The following ARL8A variants were observed in gnomAD, a reference collection of about 807,000 sequenced individuals.
ARL8A encodes ARF like GTPase 8A, also known as ADP-ribosylation factor-like protein 8A.
Under a neutral mutation model 31.2 loss-of-function variants are expected in ARL8A, and 10 were observed. That is an observed-to-expected ratio of 0.32 (90% confidence interval 0.20 to 0.54). The LOEUF (loss-of-function observed/expected upper bound fraction) is 0.54. Ranked by LOEUF, ARL8A falls within the 20% of genes least tolerant of loss-of-function variation. The pLI, the probability that ARL8A is intolerant of heterozygous loss-of-function variation, is 0.93. For synonymous variants in ARL8A, 70 were observed against 86.9 expected, an observed-to-expected ratio of 0.81 and a Z score of 1.08; for missense variants, 129 against 242.8, an observed-to-expected ratio of 0.53 and a Z score of 3.12.
In ARL8A at chr1:202,134,362, T is replaced by G. The variant is rs1210619276; in HGVS notation, c.*105A>C. Reference sequence around the variant, plus strand: ...GGTCCCCAGAGGGCCCTCCTCACACTGGGTGAGGAGGGGTGGGCTTAGGGG... The same window carrying G: ...GGTCCCCAGAGGGCCCTCCTCACACGGGGTGAGGAGGGGTGGGCTTAGGGG... On this transcript the variant is annotated 3_prime_UTR_variant, in exon 7 of 7. Coordinates refer to ENST00000272217, the MANE Select transcript of ARL8A (RefSeq NM_138795.4). The surrounding 1 kb of genome is among the most constrained non-coding windows in gnomAD (Gnocchi z 4.2). The G allele has an allele frequency of 7.4e-6, 8 of 1,086,608 alleles. No individual in the cohort carries two copies. Among genetic ancestry groups the G allele is most frequent in the Admixed American group, 1.9e-5 (1 of 52,714 alleles). The allele number at this position is 1,086,608 out of a possible 1,614,324, so 67.3% of individuals were successfully genotyped here.
chr1:202,139,944 G>A (rs1421405599), intron 1 of ARL8A, among the ~76,000 whole-genome samples: 2 of 151,562 alleles, frequency 1.3e-5, no homozygotes, highest in East Asian at 2.0e-4. Flanking sequence ...CACGGTGCCC[G>A]GCCAAGCCCT....
chr1:202,134,326 C>G lies in ARL8A; in HGVS notation c.*141G>C. On this transcript the variant is annotated 3_prime_UTR_variant, in exon 7 of 7. Transcript: ENST00000272217. The surrounding 1 kb of genome is among the most constrained non-coding windows in gnomAD (Gnocchi z 4.2). ...AACAGGAGTTCAAACCTCAGCAGAA[C>G]AGGACTCTGGGGTCCCCAGAGGGCC... 1.3e-6 allele frequency: 1 copy of G among 747,914 alleles called. No individual in the cohort carries two copies. Among genetic ancestry groups the G allele is most frequent in the Non-Finnish European group, 2.3e-6 (1 of 438,268 alleles). 46.3% of individuals were successfully genotyped at this position (747,914 alleles called of 1,614,324 possible). A position where few individuals can be genotyped will look rare whatever the true frequency, so the allele number is the denominator to read the frequency against.
chr1:202,138,273 G>C lies in ARL8A; in HGVS notation c.204+95C>G. On this transcript the variant is annotated intron_variant, in intron 2 of 6. Coordinates refer to ENST00000272217, the MANE Select transcript of ARL8A (RefSeq NM_138795.4). The surrounding 1 kb of genome is among the most constrained non-coding windows in gnomAD (Gnocchi z 4.4). ...GCCCCACTTCAGCTCGCTCCTCCCAGGGGCCTCCGTTGCCCTCCCCAACAC... is the reference window on the plus strand; with the variant it reads ...GCCCCACTTCAGCTCGCTCCTCCCACGGGCCTCCGTTGCCCTCCCCAACAC... The C allele has an allele frequency of 7.1e-7, 1 of 1,411,082 alleles. No homozygotes were observed. Among genetic ancestry groups the C allele is most frequent in the Non-Finnish European group, 9.9e-7 (1 of 1,012,488 alleles). 87.4% of individuals were successfully genotyped at this position (1,411,082 alleles called of 1,614,324 possible).
At chr1:202,141,757 G>A (rs879731510) in intron 1 of ARL8A, among the ~76,000 whole-genome samples, 10 of 152,120 alleles carry the variant, frequency 6.6e-5, no homozygotes, top group Admixed American at 6.5e-4. Flanking sequence ...CCATAGGACA[G>A]TCTTTGACAC....
rs200228774 is a variant in ARL8A at position 202,138,462 on chromosome 1, T to A, written c.124-14A>T. On this transcript the variant is annotated splice_polypyrimidine_tract_variant and intron_variant, in intron 1 of 6. Coordinates refer to ENST00000272217, the MANE Select transcript of ARL8A (RefSeq NM_138795.4). The surrounding 1 kb of genome is among the most constrained non-coding windows in gnomAD (Gnocchi z 4.4). The stretch of plus-strand genomic sequence containing the variant: ...GAACTGTCCTGACTGGAAAGAAGAC[T>A]CAGAATGGGAAACAGTGCAAAAATC... The A allele has an allele frequency of 2.4e-5, 39 of 1,612,972 alleles. No homozygotes were observed. The Middle Eastern group carries it at 1.7e-3, about 68-fold the overall frequency.
chr1:202,143,744 C>T (rs1028957653), intron 1 of ARL8A, among the ~76,000 whole-genome samples: 2 of 152,368 alleles, frequency 1.3e-5, no homozygotes, highest in Admixed American at 1.3e-4. Context: ...ACACCTCATC[C>T]TCTCTTGTCG....
chr1:202,142,446 A>G (rs1330641557), intron 1 of ARL8A, among the ~76,000 whole-genome samples: 1 of 152,238 alleles, frequency 6.6e-6, no homozygotes, highest in East Asian at 1.9e-4. Context: ...CGGGGTGGGC[A>G]GCAATGCCAG....
At chr1:202,136,982 G>A (rs1037179133) in intron 3 of ARL8A, among the ~76,000 whole-genome samples, 2 of 152,090 alleles carry the variant, frequency 1.3e-5, no homozygotes, top group African/African-American at 2.4e-5. Context: ...AGCCTCGCGA[G>A]TAGCTGGGAC....
chr1:202,143,043 C>A (rs1474598722), intron 1 of ARL8A, among the ~76,000 whole-genome samples: 1 of 151,952 alleles, frequency 6.6e-6, no homozygotes, highest in Non-Finnish European at 1.5e-5. Flanking sequence ...AAGGGCAGAG[C>A]CTAGGCAGAC....
Position 202,135,829 on chromosome 1 carries a change from C to A in ARL8A, c.279-29G>T. 6.4e-7 allele frequency: 1 copy of A among 1,567,004 alleles called. No homozygotes were observed. The highest frequency in any genetic ancestry group is 8.8e-7 in the Non-Finnish European group (1 of 1,137,262). ...GGGAAAGAGGCAGGGTGGGGACAAG[C>A]ATGTTGACACCACAGGCTGAGGTGG... On this transcript the variant is annotated intron_variant, in intron 3 of 6. Transcript: ENST00000272217. The surrounding 1 kb of genome is among the most constrained non-coding windows in gnomAD (Gnocchi z 5.3).
rs1014926627 is a variant in ARL8A at position 202,135,039 on chromosome 1, A to G, written c.511+111T>C. 123 of 1,120,526 alleles carry G rather than the reference A, an allele frequency of 1.1e-4. No homozygotes were observed. Among genetic ancestry groups the G allele is most frequent in the Middle Eastern group, 1.0e-3 (5 of 4,920 alleles). The allele number at this position is 1,120,526 out of a possible 1,614,324, so 69.4% of individuals were successfully genotyped here. A position where few individuals can be genotyped will look rare whatever the true frequency, so the allele number is the denominator to read the frequency against. On this transcript the variant is annotated intron_variant, in intron 6 of 6. Transcript: ENST00000272217. The surrounding 1 kb of genome is among the most constrained non-coding windows in gnomAD (Gnocchi z 5.3). ...GCCACCTGGCTGCCTTTTCTACCCA[A>G]GAGCCACAGGGCTTTGGACTTCAGG...
At position 202,138,086 on chromosome 1, in the gene ARL8A, A is replaced by C; in HGVS notation, c.205-48T>G. On this transcript the variant is annotated intron_variant, in intron 2 of 6. Transcript: ENST00000272217. This position sits in a 1 kb window ranked among gnomAD's most constrained non-coding sequence, Gnocchi z 4.4. ...AGCCTCAGTAGTGGGCAGGCCACCAAAACGTGTCTTGGGTCTCAAATGCCC... is the reference window on the plus strand; with the variant it reads ...AGCCTCAGTAGTGGGCAGGCCACCACAACGTGTCTTGGGTCTCAAATGCCC... 6.2e-7 allele frequency: 1 copy of C among 1,607,460 alleles called. No individual in the cohort carries two copies.
chr1:202,138,270 C>T lies in ARL8A; in HGVS notation c.204+98G>A. 1 of 1,404,736 alleles carries T rather than the reference C, an allele frequency of 7.1e-7. No homozygotes were observed. The highest frequency in any genetic ancestry group is 1.0e-6 in the Non-Finnish European group (1 of 1,004,184). 87.0% of individuals were successfully genotyped at this position (1,404,736 alleles called of 1,614,324 possible). ...TCTGCCCCACTTCAGCTCGCTCCTCCCAGGGGCCTCCGTTGCCCTCCCCAA... is the reference window on the plus strand; with the variant it reads ...TCTGCCCCACTTCAGCTCGCTCCTCTCAGGGGCCTCCGTTGCCCTCCCCAA... On this transcript the variant is annotated intron_variant, in intron 2 of 6. Transcript: ENST00000272217. This position sits in a 1 kb window ranked among gnomAD's most constrained non-coding sequence, Gnocchi z 4.4.
In ARL8A at chr1:202,134,478, G is replaced by A. The variant is rs770857905; in HGVS notation, c.550C>T (p.Arg184Trp). 3 of 1,613,356 alleles carry A rather than the reference G, an allele frequency of 1.9e-6. No individual in the cohort carries two copies. Among genetic ancestry groups the A allele is most frequent in the South Asian group, 2.2e-5 (2 of 91,068 alleles). ...LQWLIQHSKS[R>W]RS Reference sequence around the variant, plus strand: ...GAAGGGCTGGAGTCTCAGCTTCTCCGTGACTTCGAGTGTTGAATAAGCCAC... The same window carrying A: ...GAAGGGCTGGAGTCTCAGCTTCTCCATGACTTCGAGTGTTGAATAAGCCAC... The change falls in exon 7 of 7, where the codon CGG becomes TGG. Residue 184 changes from arginine (R) to tryptophan (W), a missense_variant. By Grantham distance (101) the Arg-to-Trp change is moderately radical. Coordinates refer to ENST00000272217, the MANE Select transcript of ARL8A (RefSeq NM_138795.4). The surrounding 1 kb of genome is among the most constrained non-coding windows in gnomAD (Gnocchi z 4.2).
Position 202,144,405 on chromosome 1 carries a change from A to AC in ARL8A, c.123+44dup, listed in dbSNP as rs1165913044. The AC allele has an allele frequency of 7.8e-7, 1 of 1,282,212 alleles. No homozygotes were observed. Among genetic ancestry groups the AC allele is most frequent in the East Asian group, 5.8e-5 (1 of 17,304 alleles). The allele number at this position is 1,282,212 out of a possible 1,614,324, so 79.4% of individuals were successfully genotyped here. On this transcript the variant is annotated intron_variant, in intron 1 of 6. Transcript: ENST00000272217. The surrounding 1 kb of genome is among the most constrained non-coding windows in gnomAD (Gnocchi z 5.2). ...CGCGGCGCGGGCGGGGACAGGCCCG[A>AC]CCCGCGGCCCGCGCCCGGGGACCCC...
rs1312480751 is a variant in ARL8A at position 202,133,524 on chromosome 1, A to T, written c.*943T>A. The T allele has an allele frequency of 3.3e-5, 5 of 152,248 alleles. No individual in the cohort carries two copies. The highest frequency in any genetic ancestry group is 5.9e-5 in the Non-Finnish European group (4 of 68,048). 9.4% of individuals were successfully genotyped at this position (152,248 alleles called of 1,614,324 possible). The stretch of plus-strand genomic sequence containing the variant: ...TAAATATGAGCTGAAAAGTGTAAAA[A>T]AGGAAGAGGAACATCACTTTACAAA... On this transcript the variant is annotated 3_prime_UTR_variant, in exon 7 of 7. Coordinates refer to ENST00000272217, the MANE Select transcript of ARL8A (RefSeq NM_138795.4).
In ARL8A at chr1:202,134,537, A is replaced by G. The variant is rs202209471; in HGVS notation, c.512-21T>C. ...GATGTCTGATAGGAGAAAAGAGAAC[A>G]GCTTATAAGGCCTGCAAGTACTGGC... On this transcript the variant is annotated intron_variant, in intron 6 of 6. Coordinates refer to ENST00000272217, the MANE Select transcript of ARL8A (RefSeq NM_138795.4). This position sits in a 1 kb window ranked among gnomAD's most constrained non-coding sequence, Gnocchi z 4.2. 6.2e-7 allele frequency: 1 copy of G among 1,607,686 alleles called. No homozygotes were observed. The highest frequency in any genetic ancestry group is 1.3e-5 in the African/African-American group (1 of 74,856).
At chr1:202,141,680 A>G (rs922449201) in intron 1 of ARL8A, among the ~76,000 whole-genome samples, 1 of 151,792 alleles carries the variant, frequency 6.6e-6, no homozygotes, top group Non-Finnish European at 1.5e-5. Flanking sequence ...AGAAAAAAAA[A>G]TCTATCATTC....
chr1:202,135,568 T>C lies in ARL8A; in HGVS notation c.373-42A>G. 1 of 1,607,098 alleles carries C rather than the reference T, an allele frequency of 6.2e-7. No individual in the cohort carries two copies. Among genetic ancestry groups the C allele is most frequent in the Non-Finnish European group, 8.5e-7 (1 of 1,173,806 alleles). On this transcript the variant is annotated intron_variant, in intron 4 of 6. Coordinates refer to ENST00000272217, the MANE Select transcript of ARL8A (RefSeq NM_138795.4). This position sits in a 1 kb window ranked among gnomAD's most constrained non-coding sequence, Gnocchi z 5.3. ...GTGAGGATGAGGTCTAGGGCAGCCGTGCCCAGGTTGTCTGGGTGGTGAGCT... is the reference window on the plus strand; with the variant it reads ...GTGAGGATGAGGTCTAGGGCAGCCGCGCCCAGGTTGTCTGGGTGGTGAGCT...
Sources: allele counts gnomAD v4.1 joint callset (sites outside exome capture counted in the v4.1 genomes callset), GRCh38; gene constraint gnomAD v4.1.1; non-coding constraint Gnocchi (gnomAD v3.1); transcripts MANE v1.5; gene names NCBI Gene and HGNC (gene_info 2026-07-23, HGNC 2026-07-21).